The following MBD5 variants were observed in gnomAD, a reference collection of about 807,000 sequenced individuals.
MBD5 encodes the protein methyl-CpG-binding domain protein 5.
A neutral mutation model predicts 117.3 loss-of-function variants in MBD5; 13 were observed. That is an observed-to-expected ratio of 0.11 (90% CI 0.07 to 0.18). The LOEUF is 0.18. Ranked by LOEUF, MBD5 falls within the 10% of genes least tolerant of loss-of-function variation. The pLI is 1.00. For missense variants in MBD5, 1,879 were observed against 2,093.8 expected, an observed-to-expected ratio of 0.90 and a Z score of 2.00; for synonymous variants, 727 against 766.4, an observed-to-expected ratio of 0.95 and a Z score of 0.85.
intron 1 of MBD5, among the ~76,000 whole-genome samples, chr2:148,067,185 TC>T (rs1695224051): frequency 6.6e-6 from 1 of 152,214 alleles, no homozygotes; most frequent in Admixed American, 6.5e-5. Flanking sequence ...CTCTGAATGT[TC>T]ATCAATTCAG....
At chr2:148,311,311 A>T (rs950119202) in intron 3 of MBD5, among the ~76,000 whole-genome samples, 1 of 151,940 alleles carries the variant, frequency 6.6e-6, no homozygotes, top group Non-Finnish European at 1.5e-5. Flanking sequence ...AAGAACTTGC[A>T]TTATGAATCT....
At chr2:148,315,925 A>T (rs1386126623) in intron 3 of MBD5, among the ~76,000 whole-genome samples, 2 of 152,206 alleles carry the variant, frequency 1.3e-5, no homozygotes, top group Non-Finnish European at 2.9e-5. Flanking sequence ...TCATAAAGAA[A>T]AGTGGTTTGA....
chr2:148,425,715 T>G (rs1705758883), intron 4 of MBD5, among the ~76,000 whole-genome samples: 2 of 152,214 alleles, frequency 1.3e-5, no homozygotes, highest in South Asian at 4.1e-4. Flanking sequence ...ATCGCAGGGA[T>G]GCAAGGCTGG....
At chr2:148,075,852 A>G (rs1695495726) in intron 1 of MBD5, among the ~76,000 whole-genome samples, 1 of 152,174 alleles carries the variant, frequency 6.6e-6, no homozygotes, top group Admixed American at 6.5e-5. Flanking sequence ...AGTAAGATCT[A>G]TTCTCAGTAT....
At chr2:148,471,663 T>G (rs1472012755) in intron 8 of MBD5, 1 of 152,122 alleles carries the variant, frequency 6.6e-6, no homozygotes, top group Non-Finnish European at 1.5e-5. Context: ...TTATGTGTTA[T>G]GTTTTGATGT....
chr2:148,099,351 A>T (rs563314727), intron 1 of MBD5, among the ~76,000 whole-genome samples: 85 of 152,258 alleles, frequency 5.6e-4, no homozygotes, highest in African/African-American at 1.9e-3. Context: ...TACTTTTGTC[A>T]ATTCATGAAT....
chr2:148,107,373 C>A (rs1696397964), intron 1 of MBD5, among the ~76,000 whole-genome samples: 1 of 151,834 alleles, frequency 6.6e-6, no homozygotes, highest in Admixed American at 6.6e-5. Context: ...TTATTTATCC[C>A]AGTTGGGATT....
chr2:148,429,914 C>T (rs994150922), intron 4 of MBD5, among the ~76,000 whole-genome samples: 2 of 151,960 alleles, frequency 1.3e-5, no homozygotes, highest in Admixed American at 1.3e-4. Flanking sequence ...TTGATGGGTG[C>T]AGCAAACCAC....
At chr2:148,227,572 GC>G (rs1312285530) in intron 2 of MBD5, among the ~76,000 whole-genome samples, 5 of 152,112 alleles carry the variant, frequency 3.3e-5, no homozygotes, top group Non-Finnish European at 5.9e-5. Context: ...TGTTCTTTTG[GC>G]TTAGGATTGA....
At chr2:148,384,169 T>C (rs1704261503) in intron 4 of MBD5, among the ~76,000 whole-genome samples, 1 of 152,090 alleles carries the variant, frequency 6.6e-6, no homozygotes, top group African/African-American at 2.4e-5. Context: ...GGAAGTCAAA[T>C]TGTCCCTGTT....
At chr2:148,512,198 A>C (rs959113262) in intron 13 of MBD5, 1 of 157,950 alleles carries the variant, frequency 6.3e-6, no homozygotes, top group Non-Finnish European at 1.4e-5. Flanking sequence ...CTGCTCAGCC[A>C]CTGCTCAATC....
At chr2:148,157,491 A>G (rs1242396408) in intron 1 of MBD5, among the ~76,000 whole-genome samples, 1 of 152,116 alleles carries the variant, frequency 6.6e-6, no homozygotes, top group Admixed American at 6.6e-5. Context: ...CACTTCAGAG[A>G]CCTTGAGCAG....
At chr2:148,090,364 A>T (rs1695905799) in intron 1 of MBD5, among the ~76,000 whole-genome samples, 1 of 152,094 alleles carries the variant, frequency 6.6e-6, no homozygotes, top group African/African-American at 2.4e-5. Context: ...TCCTAATACC[A>T]AAACCAGGAA....
chr2:148,340,490 C>T (rs1702908729), intron 3 of MBD5, among the ~76,000 whole-genome samples: 1 of 151,962 alleles, frequency 6.6e-6, no homozygotes, highest in Non-Finnish European at 1.5e-5. Flanking sequence ...TTTTAATTCT[C>T]CATGTTTTAA....
chr2:148,377,443 A>G (rs1257542838), intron 4 of MBD5, among the ~76,000 whole-genome samples: 1 of 152,176 alleles, frequency 6.6e-6, no homozygotes, highest in Non-Finnish European at 1.5e-5. Context: ...AATCAAGTTG[A>G]CACTCAGTAT....
chr2:148,332,478 C>G lies in MBD5; in HGVS notation c.-679-9736C>G, dbSNP rs192463354. Among the ~76,000 whole-genome samples, 345 of 152,204 alleles carry G rather than the reference C, an allele frequency of 2.3e-3. 1 individual carries two copies. The highest frequency in any genetic ancestry group is 3.4e-3 in the Non-Finnish European group (230 of 67,992). On this transcript the variant is annotated intron_variant, in intron 3 of 13. Coordinates refer to ENST00000642680, the MANE Select transcript of MBD5 (RefSeq NM_001378120.1). The stretch of plus-strand genomic sequence containing the variant: ...TGCCCCTGTTTTGAGTTGGATCTCC[C>G]AGTTTTCATGTCTTTTCCTTCTTGA...
intron 11 of MBD5, among the ~76,000 whole-genome samples, chr2:148,499,232 G>A (rs1377131598): frequency 6.6e-6 from 1 of 152,180 alleles, no homozygotes; most frequent in Non-Finnish European, 1.5e-5. Context: ...AAGCCCAGGA[G>A]GTCGAGGCTG....
chr2:148,316,538 T>C (rs1444458444), intron 3 of MBD5, among the ~76,000 whole-genome samples: 1 of 152,150 alleles, frequency 6.6e-6, no homozygotes, highest in East Asian at 1.9e-4. Context: ...TTATAACCCT[T>C]GAAATAGACC....
At chr2:148,157,171 A>AT (rs1302826916) in intron 1 of MBD5, among the ~76,000 whole-genome samples, 2 of 151,600 alleles carry the variant, frequency 1.3e-5, no homozygotes, top group African/African-American at 4.8e-5. Context: ...AAGTTCTGGG[A>AT]TACATGTGCA....
Sources: gnomAD v4.1 joint callset for allele counts (sites outside exome capture counted in the v4.1 genomes callset) on GRCh38, gnomAD v4.1.1 for gene constraint, MANE v1.5 for transcripts, NCBI Gene and HGNC (gene_info 2026-07-23, HGNC 2026-07-21) for gene names.